ELAVL2: variants seen among roughly 807,000 people sequenced by gnomAD.
The protein encoded by ELAVL2 is ELAV-like protein 2.
A neutral mutation model predicts 34.6 loss-of-function variants in ELAVL2; 4 were observed. The ratio of observed to expected loss-of-function variants is 0.12; its 90% CI spans 0.06 to 0.26. ELAVL2 has a LOEUF of 0.26. Among genes scored for constraint, ELAVL2 ranks in the 10% least tolerant of loss-of-function variants. The pLI is 1.00. For missense variants in ELAVL2, 432 were observed against 442.8 expected (o/e 0.98, Z 0.22); for synonymous variants, 193 against 154.8 (o/e 1.25, Z -1.83).
At chr9:23,813,849 A>G (rs1250329900) in intron 1 of ELAVL2, among the ~76,000 whole-genome samples, 2 of 151,952 alleles carry the variant, frequency 1.3e-5, no homozygotes, top group African/African-American at 4.8e-5. Context: ...AAACGAATAT[A>G]AAACCTTTAG....
intron 3 of ELAVL2, among the ~76,000 whole-genome samples, chr9:23,706,333 C>T (rs571158499): frequency 1.3e-5 from 2 of 152,298 alleles, no homozygotes; most frequent in East Asian, 3.9e-4. Context: ...TCCTCAATGC[C>T]TAGTGAGTGC....
chr9:23,778,553 C>T (rs1251721737), intron 1 of ELAVL2, among the ~76,000 whole-genome samples: 1 of 152,116 alleles, frequency 6.6e-6, no homozygotes, highest in African/African-American at 2.4e-5. Flanking sequence ...TCCAGCTCTC[C>T]CAATACAGCC....
intron 2 of ELAVL2, among the ~76,000 whole-genome samples, chr9:23,746,444 G>A (rs759003906): frequency 9.2e-5 from 14 of 152,120 alleles, no homozygotes; most frequent in African/African-American, 3.4e-4. Context: ...GTCACAGAGC[G>A]TTTTCAGAAT....
chr9:23,704,922 G>A lies in ELAVL2; in HGVS notation c.483C>T (p.Val161=), dbSNP rs747705065. The A allele has an allele frequency of 2.5e-6, 4 of 1,613,994 alleles. No homozygotes were observed. In the South Asian group the frequency reaches 3.3e-5, roughly 13 times the overall value. The change falls in exon 4 of 7, where the codon GTC becomes GTT. Residue 161 remains valine (V), a synonymous_variant. Transcript: ENST00000397312. ...CCGGAGTGGCTGTCTACTTACCAGT[G>A]ACCTGGTCGACAAGAATACGAGAAG... The part of the protein sequence containing the change: ...IITSRILVDQ[V]TGISRGVGFI...
the ELAVL2 span, among the ~76,000 whole-genome samples, chr9:23,837,305 C>T: frequency 8.5e-5 from 13 of 152,246 alleles, no homozygotes; most frequent in East Asian, 1.4e-3. Context: ...TGGGAAAGTA[C>T]GCACTGTGGC....
At chr9:23,794,877 C>G (rs984852616) in intron 1 of ELAVL2, among the ~76,000 whole-genome samples, 1 of 152,002 alleles carries the variant, frequency 6.6e-6, no homozygotes, top group African/African-American at 2.4e-5. Context: ...AGTAGAGAGC[C>G]AGGACCATAC....
intron 1 of ELAVL2, among the ~76,000 whole-genome samples, chr9:23,809,517 G>C (rs2062694283): frequency 6.6e-6 from 1 of 152,084 alleles, no homozygotes; most frequent in South Asian, 2.1e-4. Context: ...GGCAGTTTTT[G>C]CAAAAATTTC....
intron 5 of ELAVL2, among the ~76,000 whole-genome samples, chr9:23,695,861 T>G (rs993415103): frequency 6.6e-6 from 1 of 152,214 alleles, no homozygotes; most frequent in Non-Finnish European, 1.5e-5. Context: ...TGAAACGTTA[T>G]GTGATGCATG....
chr9:23,734,007 G>T (rs1020836756), intron 2 of ELAVL2, among the ~76,000 whole-genome samples: 2 of 152,028 alleles, frequency 1.3e-5, no homozygotes, highest in Non-Finnish European at 2.9e-5. Flanking sequence ...TTTCTTATTT[G>T]CCTAGTGGCA....
At chr9:23,822,550 CT>C (rs912227201) in intron 1 of ELAVL2, among the ~76,000 whole-genome samples, 1 of 152,198 alleles carries the variant, frequency 6.6e-6, no homozygotes. Flanking sequence ...AGCTCAATCC[CT>C]TTTCCCCAGA....
chr9:23,748,914 G>T (rs900525529), intron 2 of ELAVL2, among the ~76,000 whole-genome samples: 1 of 152,044 alleles, frequency 6.6e-6, no homozygotes, highest in African/African-American at 2.4e-5. Context: ...TTTATATGGG[G>T]TACCGAGAAT....
At position 23,694,399 on chromosome 9, in the gene ELAVL2, T is replaced by C. The variant is rs140971259; in HGVS notation, c.714-913A>G. 3.5e-3 allele frequency among the ~76,000 whole-genome samples: 527 copies of C among 152,320 alleles called. 2 individuals carry two copies. Among genetic ancestry groups the C allele is most frequent in the Middle Eastern group, 0.01 (3 of 294 alleles). On this transcript the variant is annotated intron_variant, in intron 5 of 6. Transcript: ENST00000397312. The stretch of plus-strand genomic sequence containing the variant: ...CTTTATCAGTTTCAAAACACCACTC[T>C]AATGTCCCAAATTTCCACAGTGCTT...
At chr9:23,833,735 A>G in the ELAVL2 span, among the ~76,000 whole-genome samples, 10 of 151,958 alleles carry the variant, frequency 6.6e-5, no homozygotes, top group African/African-American at 2.4e-4. Flanking sequence ...TTAGTTTTTT[A>G]AATGATTTTC....
At chr9:23,832,915 A>G in the ELAVL2 span, among the ~76,000 whole-genome samples, 1 of 152,134 alleles carries the variant, frequency 6.6e-6, no homozygotes, top group East Asian at 1.9e-4. Flanking sequence ...TACTTGAATT[A>G]AAAACAATTA....
intron 2 of ELAVL2, among the ~76,000 whole-genome samples, chr9:23,748,284 G>A (rs1003987562): frequency 4.6e-5 from 7 of 152,094 alleles, no homozygotes; most frequent in Non-Finnish European, 7.4e-5. Flanking sequence ...ATGGCTTTCT[G>A]CCAAGATTTC....
intron 3 of ELAVL2, among the ~76,000 whole-genome samples, chr9:23,712,422 G>A (rs2041221264): frequency 1.3e-5 from 2 of 152,066 alleles, no homozygotes; most frequent in African/African-American, 4.8e-5. Context: ...ATATTTTCTT[G>A]TATACACATA....
At chr9:23,817,692 A>T (rs935180260) in intron 1 of ELAVL2, among the ~76,000 whole-genome samples, 4 of 152,184 alleles carry the variant, frequency 2.6e-5, no homozygotes, top group Non-Finnish European at 5.9e-5. Flanking sequence ...CCCTTGAAAT[A>T]AAAAATTCTT....
At chr9:23,795,273 G>C (rs1205680629) in intron 1 of ELAVL2, among the ~76,000 whole-genome samples, 1 of 152,190 alleles carries the variant, frequency 6.6e-6, no homozygotes, top group Non-Finnish European at 1.5e-5. Context: ...GTTGGGCGTG[G>C]TGGCTCATGC....
intron 1 of ELAVL2, among the ~76,000 whole-genome samples, chr9:23,762,992 G>C (rs2055390149): frequency 6.6e-6 from 1 of 152,042 alleles, no homozygotes; most frequent in African/African-American, 2.4e-5. Flanking sequence ...TACCAACAAG[G>C]TGACTGATCT....
Sources: allele counts gnomAD v4.1 joint callset (sites outside exome capture counted in the v4.1 genomes callset), GRCh38; gene constraint gnomAD v4.1.1; transcripts MANE v1.5; gene names NCBI Gene and HGNC (gene_info 2026-07-23, HGNC 2026-07-21).